SULF1: variants seen among roughly 807,000 people sequenced by gnomAD.
SULF1 encodes extracellular sulfatase Sulf-1.
Under a neutral mutation model 110.5 loss-of-function variants are expected in SULF1, and 46 were observed. The observed-to-expected ratio is 0.42, with a 90% CI of 0.33 to 0.53. SULF1 has a LOEUF of 0.53. SULF1 is among the 20% of genes least tolerant of loss of function. The probability of loss-of-function intolerance (pLI) is 0.12; values close to 1 mark genes in which losing one functional copy is unlikely to be tolerated. For missense variants in SULF1, 941 were observed against 1,094.2 expected (o/e 0.86, Z 1.98); for synonymous variants, 371 against 387.1 (o/e 0.96, Z 0.49).
At chr8:69,595,008 A>T (rs1209097872) in intron 8 of SULF1, among the ~76,000 whole-genome samples, 1 of 152,220 alleles carries the variant, frequency 6.6e-6, no homozygotes, top group Non-Finnish European at 1.5e-5. Flanking sequence ...TGCACAATTC[A>T]TTGTTGCTTA....
chr8:69,628,583 T>C (rs1810279338), intron 18 of SULF1, among the ~76,000 whole-genome samples: 1 of 152,202 alleles, frequency 6.6e-6, no homozygotes, highest in African/African-American at 2.4e-5. Context: ...GTTGGTGTTC[T>C]ACAGAGCAGC....
At chr8:69,600,472 A>C in intron 8 of SULF1, 131 bp from the exon 9 acceptor site, 1 of 803,358 alleles carries the variant, frequency 1.2e-6, no homozygotes, top group Non-Finnish European at 1.9e-6. Flanking sequence ...AACAGAAGAT[A>C]GTTGGAAGAG....
At chr8:69,551,777 T>A (rs1242957842) in intron 3 of SULF1, among the ~76,000 whole-genome samples, 1 of 152,162 alleles carries the variant, frequency 6.6e-6, no homozygotes, top group African/African-American at 2.4e-5. Flanking sequence ...AGCATCAGCA[T>A]CACCTGGGAA....
chr8:69,628,078 T>G (rs1810235519), intron 17 of SULF1, 93 bp from the exon 18 acceptor site: 1 of 1,100,160 alleles, frequency 9.1e-7, no homozygotes, highest in Non-Finnish European at 1.4e-6. Flanking sequence ...ATCACTGCCT[T>G]CCTTCTTTCT....
chr8:69,598,170 G>C (rs1189154934), intron 8 of SULF1, among the ~76,000 whole-genome samples: 1 of 151,748 alleles, frequency 6.6e-6, no homozygotes, highest in Non-Finnish European at 1.5e-5. Flanking sequence ...GTAGGCAGGA[G>C]AAAGTTTATA....
chr8:69,603,495 T>A (rs975044309), intron 11 of SULF1, 105 bp from the exon 12 acceptor site: 2 of 1,316,158 alleles, frequency 1.5e-6, no homozygotes, highest in Non-Finnish European at 2.2e-6. Context: ...GATGCACTCA[T>A]GGTCTGTGGG....
At chr8:69,600,499 T>C in intron 8 of SULF1, 104 bp from the exon 9 acceptor site, 2 of 1,116,846 alleles carry the variant, frequency 1.8e-6, no homozygotes, top group Middle Eastern at 5.7e-4. Context: ...GTTTTAGCAG[T>C]GTCTCAATTA....
chr8:69,562,152 A>G (rs980501963), intron 3 of SULF1, among the ~76,000 whole-genome samples: 1 of 152,244 alleles, frequency 6.6e-6, no homozygotes, highest in Non-Finnish European at 1.5e-5. Context: ...TCTCTCTTGC[A>G]GTATAATTAC....
intron 3 of SULF1, among the ~76,000 whole-genome samples, chr8:69,562,246 G>A (rs901953448): frequency 2.0e-5 from 3 of 152,208 alleles, no homozygotes; most frequent in Admixed American, 2.0e-4. Context: ...GTGTGTTTGT[G>A]TAAAACAAAA....
chr8:69,499,621 C>A (rs188598034), intron 2 of SULF1, among the ~76,000 whole-genome samples: 1 of 152,190 alleles, frequency 6.6e-6, no homozygotes, highest in South Asian at 2.1e-4. Flanking sequence ...AACAAACAAA[C>A]CTTCATACAA....
upstream of SULF1, among the ~76,000 whole-genome samples, chr8:69,490,573 G>A (rs962891329): frequency 5.3e-5 from 8 of 152,010 alleles, no homozygotes; most frequent in East Asian, 1.9e-4. Flanking sequence ...CCTCACATTC[G>A]TCCCCTTCCC....
intron 3 of SULF1, among the ~76,000 whole-genome samples, chr8:69,510,945 TACACACACACACACACAC>T (rs56386460): frequency 1.4e-5 from 2 of 141,144 alleles, no homozygotes; most frequent in Non-Finnish European, 3.1e-5. Flanking sequence ...ATATCATCAT[TACACACACACACACACAC>T]ACACACACAC....
At chr8:69,625,276 T>C (rs1441124857) in intron 15 of SULF1, among the ~76,000 whole-genome samples, 1 of 152,194 alleles carries the variant, frequency 6.6e-6, no homozygotes. Context: ...TTCATGAGGG[T>C]GTGAGCATTG....
intron 14 of SULF1, among the ~76,000 whole-genome samples, chr8:69,621,629 T>C (rs1442357659): frequency 6.6e-6 from 1 of 152,186 alleles, no homozygotes; most frequent in Non-Finnish European, 1.5e-5. Context: ...AAATAGTAAA[T>C]ACAAGGTTTC....
intron 22 of SULF1, among the ~76,000 whole-genome samples, chr8:69,648,149 A>C (rs577658154): frequency 3.3e-5 from 5 of 151,776 alleles, no homozygotes; most frequent in African/African-American, 9.7e-5. Flanking sequence ...GAAAAAAAAA[A>C]AAAACAAAGA....
intron 7 of SULF1, 126 bp downstream of exon 7, chr8:69,586,634 T>C: frequency 1.8e-6 from 2 of 1,100,738 alleles, no homozygotes; most frequent in Non-Finnish European, 2.6e-6. Flanking sequence ...GCATGAGAAA[T>C]GTTAAGGTAA....
chr8:69,510,947 C>A (rs1811517909), intron 3 of SULF1, among the ~76,000 whole-genome samples: 1 of 27,768 alleles, frequency 3.6e-5, no homozygotes, highest in Admixed American at 3.1e-4. Flanking sequence ...ATCATCATTA[C>A]ACACACACAC....
chr8:69,657,027 A>T (rs539481920), intron 22 of SULF1, among the ~76,000 whole-genome samples: 34 of 152,324 alleles, frequency 2.2e-4, no homozygotes, highest in Non-Finnish European at 3.7e-4. Flanking sequence ...GACTGGCATG[A>T]GATGGTATCT....
At chr8:69,471,880 C>T (rs1249978394) in intron 1 of SULF1, among the ~76,000 whole-genome samples, 1 of 152,138 alleles carries the variant, frequency 6.6e-6, no homozygotes, top group African/African-American at 2.4e-5. Context: ...GAATGACAAA[C>T]GTTCAGCTAT....
Sources: allele counts gnomAD v4.1 joint callset (sites outside exome capture counted in the v4.1 genomes callset), GRCh38; gene constraint gnomAD v4.1.1; transcripts MANE v1.5; gene names NCBI Gene and HGNC (gene_info 2026-07-23, HGNC 2026-07-21).